The following GCN1 variants were observed in gnomAD, a reference collection of about 807,000 sequenced individuals.
GCN1 encodes the protein stalled ribosome sensor GCN1.
A neutral mutation model predicts 288.4 loss-of-function variants in GCN1; 90 were observed. The observed-to-expected ratio is 0.31, with a 90% CI of 0.26 to 0.37. The LOEUF is 0.37. GCN1 is among the 10% of genes least tolerant of loss of function. GCN1 has a pLI of 1.00. For synonymous variants in GCN1, 1,386 were observed against 1,420.2 expected (o/e 0.98, Z 0.54); for missense variants, 2,586 against 3,419.9 (o/e 0.76, Z 6.08).
chr12:120,165,063 G>A (rs1380562620), intron 16 of GCN1, among the ~76,000 whole-genome samples: 1 of 130,772 alleles, frequency 7.6e-6, no homozygotes, highest in Non-Finnish European at 1.6e-5. Flanking sequence ...TTTTTTTTTT[G>A]AGAGACAGTC....
In GCN1 at chr12:120,164,725, G is replaced by A; in HGVS notation, c.1613-4C>T. 6 of 1,604,780 alleles carry A rather than the reference G, an allele frequency of 3.7e-6. No homozygotes were observed. Among genetic ancestry groups the A allele is most frequent in the South Asian group, 1.1e-5 (1 of 90,864 alleles). Reference sequence around the variant, plus strand: ...AGATGCAACACAGTACACAGGGCTTGGAGGGAAGAAAAGGAATGGAAGTGT... The same window carrying A: ...AGATGCAACACAGTACACAGGGCTTAGAGGGAAGAAAAGGAATGGAAGTGT... On this transcript the variant is annotated splice_region_variant and splice_polypyrimidine_tract_variant and intron_variant, in intron 16 of 57. Coordinates refer to ENST00000300648, the MANE Select transcript of GCN1 (RefSeq NM_006836.2).
At position 120,162,947 on chromosome 12, in the gene GCN1, G is replaced by A. The variant is rs758725821; in HGVS notation, c.2063C>T (p.Pro688Leu). The A allele has an allele frequency of 6.2e-7, 1 of 1,614,204 alleles. No homozygotes were observed. The highest frequency in any genetic ancestry group is 1.1e-5 in the South Asian group (1 of 91,082). The change falls in exon 20 of 58, where the codon CCA becomes CTA. Residue 688 changes from proline (P) to leucine (L), a missense_variant. By Grantham distance (98) the Pro-to-Leu change is moderately conservative (BLOSUM62 -3). This residue lies in a region of GCN1 where 913 missense variants were observed against 1,107.0 expected (regional missense o/e 0.82). Transcript: ENST00000300648. ...SLVAVQSGLWPALLARMKIDP... is the reference protein window; with the variant it reads ...SLVAVQSGLWLALLARMKIDP... ...GATCTTCATCCTGGCAAGAAGTGCT[G>A]GCCAAAGTCCAGACTGCACGGCAAC...
intron 24 of GCN1, among the ~76,000 whole-genome samples, chr12:120,159,021 A>AG (rs1877844340): frequency 6.6e-6 from 1 of 152,084 alleles, no homozygotes; most frequent in African/African-American, 2.4e-5. Context: ...CAAAAAAAAA[A>AG]AAAAAAATCT....
chr12:120,168,268 C>T lies in GCN1; in HGVS notation c.1552G>A (p.Val518Met). Residue 518 changes from valine to methionine, a missense_variant, in exon 16 of 58, where the codon GTG becomes ATG. Physicochemically the swap from Val to Met is conservative, Grantham distance 21. This residue lies in a region of GCN1 where 913 missense variants were observed against 1,107.0 expected (regional missense o/e 0.82). Coordinates refer to ENST00000300648, the MANE Select transcript of GCN1 (RefSeq NM_006836.2). ...AKLSSFWQLI[V>M]DEKKQVFTSE... ...GTGAAAACCTGCTTTTTCTCATCCA[C>T]AATCAACTGCCAGAAACTGCTCAGT... 2 of 1,609,960 alleles carry T rather than the reference C, an allele frequency of 1.2e-6. No homozygotes were observed. Among genetic ancestry groups the T allele is most frequent in the Non-Finnish European group, 1.7e-6 (2 of 1,176,150 alleles).
At chr12:120,150,895 C>T (rs1877526067) in intron 34 of GCN1, among the ~76,000 whole-genome samples, 2 of 152,012 alleles carry the variant, frequency 1.3e-5, no homozygotes, top group Admixed American at 6.6e-5. Context: ...CAAGATCACG[C>T]CACTGCACTC....
Position 120,151,321 on chromosome 12 carries a change from A to G in GCN1, c.4133T>C (p.Ile1378Thr). ...CAGCAGCTGCTGCATAAGCCTCTGG[A>G]TCATCCCTCCAGCATCCTCCTTGAT... ...PAIKEDAGGMIQRLMQQLLES... is the reference protein window; with the variant it reads ...PAIKEDAGGMTQRLMQQLLES... Residue 1378 changes from isoleucine to threonine, a missense_variant, in exon 34 of 58, where the codon ATC (isoleucine) becomes ACC (threonine). Ile to Thr is a moderately conservative substitution (Grantham distance 89). This residue lies in a region of GCN1 where 332 missense variants were observed against 403.0 expected (regional missense o/e 0.82). Transcript: ENST00000300648. The G allele has an allele frequency of 6.2e-7, 1 of 1,614,024 alleles. No homozygotes were observed. The highest frequency in any genetic ancestry group is 8.5e-7 in the Non-Finnish European group (1 of 1,179,946).
At position 120,162,265 on chromosome 12, in the gene GCN1, G is replaced by A. The variant is rs947147912; in HGVS notation, c.2164-207C>T. On this transcript the variant is annotated intron_variant, in intron 20 of 57. Coordinates refer to ENST00000300648, the MANE Select transcript of GCN1 (RefSeq NM_006836.2). The stretch of plus-strand genomic sequence containing the variant: ...TCCTCTGTCTGACACAGCACCTGAC[G>A]TGAGGTGATACACTCCTTCCCAATT... 2.2e-5 allele frequency: 13 copies of A among 581,112 alleles called. 1 individual carries two copies. Among genetic ancestry groups the A allele is most frequent in the South Asian group, 2.0e-4 (10 of 49,250 alleles). 36.0% of individuals were successfully genotyped at this position (581,112 alleles called of 1,614,324 possible).
Position 120,134,414 on chromosome 12 carries a change from G to T in GCN1, c.7203-9C>A. 1 of 1,607,358 alleles carries T rather than the reference G, an allele frequency of 6.2e-7. No homozygotes were observed. Among genetic ancestry groups the T allele is most frequent in the Non-Finnish European group, 8.5e-7 (1 of 1,174,028 alleles). On this transcript the variant is annotated splice_polypyrimidine_tract_variant and intron_variant, in intron 52 of 57. Coordinates refer to ENST00000300648, the MANE Select transcript of GCN1 (RefSeq NM_006836.2). This position sits in a 1 kb window ranked among gnomAD's most constrained non-coding sequence, Gnocchi z 5.0. ...CCTGCAGCATGGTGTCCCTGCAGAA[G>T]CAATGCACCGCCTTAAGCCCTGGGT...
At chr12:120,179,524 C>T (rs1350282174) in intron 5 of GCN1, among the ~76,000 whole-genome samples, 2 of 151,856 alleles carry the variant, frequency 1.3e-5, no homozygotes, top group African/African-American at 4.8e-5. Context: ...CTCAGCCTCC[C>T]GAGTAGCTAG....
chr12:120,128,083 A>G (rs1876676817), intron 57 of GCN1, 109 bp from the exon 58 acceptor site: 1 of 1,171,772 alleles, frequency 8.5e-7, no homozygotes, highest in Non-Finnish European at 1.2e-6. Context: ...AGAGACACTG[A>G]GGTGGACTCT....
At position 120,134,433 on chromosome 12, in the gene GCN1, C is replaced by A. The variant is rs902963559; in HGVS notation, c.7203-28G>T. 2 of 1,591,242 alleles carry A rather than the reference C, an allele frequency of 1.3e-6. No individual in the cohort carries two copies. On this transcript the variant is annotated intron_variant, in intron 52 of 57. Transcript: ENST00000300648. The surrounding 1 kb of genome is among the most constrained non-coding windows in gnomAD (Gnocchi z 5.0). ...GCAGAAGCAATGCACCGCCTTAAGCCCTGGGTGCCTCCACCACCACCCCTC... is the reference window on the plus strand; with the variant it reads ...GCAGAAGCAATGCACCGCCTTAAGCACTGGGTGCCTCCACCACCACCCCTC...
intron 14 of GCN1, among the ~76,000 whole-genome samples, chr12:120,171,714 C>T (rs1346306898): frequency 6.6e-6 from 1 of 152,170 alleles, no homozygotes; most frequent in Non-Finnish European, 1.5e-5. Context: ...TGAGTTCTGG[C>T]ACTCTGCATT....
chr12:120,158,151 G>T lies in GCN1; in HGVS notation c.2906-121C>A, dbSNP rs1877812743. The T allele has an allele frequency of 3.3e-6, 3 of 897,916 alleles. No individual in the cohort carries two copies. In the East Asian group the frequency reaches 7.7e-5, roughly 23 times the overall value. 55.6% of individuals were successfully genotyped at this position (897,916 alleles called of 1,614,324 possible). ...GGACCAGAGGCCCGTTCTGACACCT[G>T]GAAGCACATGGCACGAGGACAGAGA... is the stretch of plus-strand genomic sequence containing the variant. On this transcript the variant is annotated intron_variant, in intron 25 of 57. Coordinates refer to ENST00000300648, the MANE Select transcript of GCN1 (RefSeq NM_006836.2). This position sits in a 1 kb window ranked among gnomAD's most constrained non-coding sequence, Gnocchi z 4.3.
chr12:120,167,270 T>C (rs1373021611), intron 16 of GCN1, among the ~76,000 whole-genome samples: 1 of 149,390 alleles, frequency 6.7e-6, no homozygotes. Context: ...AGAGAACCGC[T>C]TGAACCCAGG....
At position 120,185,384 on chromosome 12, in the gene GCN1, T is replaced by C. The variant is rs898099297; in HGVS notation, c.122-497A>G. On this transcript the variant is annotated intron_variant, in intron 2 of 57. Transcript: ENST00000300648. ...GTCTGAAGGACACATAAGCTTGGCC[T>C]ATCAGATTAGTAGGCTCTGGAAAAA... Among the ~76,000 whole-genome samples the C allele has an allele frequency of 2.6e-5, 4 of 152,214 alleles. No individual in the cohort carries two copies. In the East Asian group the frequency reaches 7.7e-4, roughly 29 times the overall value.
At chr12:120,152,409 AC>A (rs1877589658) in intron 33 of GCN1, among the ~76,000 whole-genome samples, 1 of 135,912 alleles carries the variant, frequency 7.4e-6, no homozygotes, top group African/African-American at 2.8e-5. Context: ...ACACACACAC[AC>A]AAAATATATA....
intron 9 of GCN1, 66 bp downstream of exon 9, chr12:120,177,381 A>AAT: frequency 2.5e-6 from 2 of 787,028 alleles, no homozygotes; most frequent in South Asian, 3.0e-5. Context: ...TCTTGTTGCC[A>AAT]AATATCGAGA....
chr12:120,176,299 A>G (rs1459574519), intron 9 of GCN1, 82 bp from the exon 10 acceptor site: 1 of 858,892 alleles, frequency 1.2e-6, no homozygotes, highest in Non-Finnish European at 2.0e-6. Flanking sequence ...TCCCCAGCAA[A>G]TGCCACTAGG....
chr12:120,168,145 C>T (rs1878192691), intron 16 of GCN1, 63 bp downstream of exon 16: 1 of 1,021,964 alleles, frequency 9.8e-7, no homozygotes, highest in Non-Finnish European at 1.6e-6. Flanking sequence ...AGGGTCCTCT[C>T]TGAAGATTTT....
Sources: allele counts gnomAD v4.1 joint callset (sites outside exome capture counted in the v4.1 genomes callset), GRCh38; gene constraint gnomAD v4.1.1; regional missense constraint gnomAD v4.1.1; non-coding constraint Gnocchi (gnomAD v3.1); transcripts MANE v1.5; gene names NCBI Gene and HGNC (gene_info 2026-07-23, HGNC 2026-07-21).